The following BBX variants were observed in gnomAD, a reference collection of about 807,000 sequenced individuals.
BBX encodes BBX high mobility group box domain containing.
In BBX, 30 loss-of-function variants were observed where a neutral mutation model predicts 100.2. The ratio of observed to expected loss-of-function variants is 0.30; its 90% CI spans 0.22 to 0.41. BBX has a LOEUF of 0.41. Among genes scored for constraint, BBX ranks in the 10% least tolerant of loss-of-function variants. BBX has a pLI of 1.00. For synonymous variants in BBX, 376 were observed against 388.1 expected (o/e 0.97, Z 0.37); for missense variants, 1,023 against 1,129.8 (o/e 0.91, Z 1.35).
intron 9 of BBX, among the ~76,000 whole-genome samples, chr3:107,755,020 C>G (rs1180365860): frequency 6.6e-6 from 1 of 152,200 alleles, no homozygotes; most frequent in East Asian, 1.9e-4. Context: ...AGGCCATTAA[C>G]TGTACAACTC....
chr3:107,563,924 C>T (rs888496108), intron 2 of BBX, among the ~76,000 whole-genome samples: 23 of 152,188 alleles, frequency 1.5e-4, no homozygotes, highest in African/African-American at 5.6e-4. Context: ...CCACCAACTC[C>T]CCAAGCTACC....
intron 2 of BBX, among the ~76,000 whole-genome samples, chr3:107,563,126 G>A (rs965414540): frequency 2.0e-5 from 3 of 152,188 alleles, no homozygotes; most frequent in Non-Finnish European, 2.9e-5. Context: ...CAGGGTCAGC[G>A]ATTTATGTGT....
At chr3:107,775,580 G>A (rs1407333956) in intron 12 of BBX, among the ~76,000 whole-genome samples, 2 of 151,950 alleles carry the variant, frequency 1.3e-5, no homozygotes, top group African/African-American at 2.4e-5. Flanking sequence ...GTTTCTTGTC[G>A]GCTCAATTTG....
chr3:107,804,482 T>C (rs2070881667), intron 17 of BBX, among the ~76,000 whole-genome samples: 1 of 152,222 alleles, frequency 6.6e-6, no homozygotes, highest in Admixed American at 6.5e-5. Flanking sequence ...TACCCAGTCC[T>C]ATCTTTTTAG....
chr3:107,572,982 A>C (rs1317249847), intron 2 of BBX, among the ~76,000 whole-genome samples: 1 of 152,206 alleles, frequency 6.6e-6, no homozygotes, highest in African/African-American at 2.4e-5. Flanking sequence ...TTTAGTAATA[A>C]ATTAACCAAG....
intron 16 of BBX, among the ~76,000 whole-genome samples, 184 bp from the exon 17 acceptor site, chr3:107,800,911 T>G (rs1356719451): frequency 1.3e-5 from 2 of 152,248 alleles, no homozygotes; most frequent in African/African-American, 4.8e-5. Context: ...GCAACTAAGC[T>G]TAATAAAAGA....
chr3:107,607,353 T>A (rs1457050860), intron 2 of BBX, among the ~76,000 whole-genome samples: 1 of 152,208 alleles, frequency 6.6e-6, no homozygotes, highest in South Asian at 2.1e-4. Context: ...AGTGCTGGGA[T>A]TACAGGTGTG....
intron 3 of BBX, among the ~76,000 whole-genome samples, chr3:107,661,085 T>C (rs551614397): frequency 7.6e-4 from 116 of 152,316 alleles, no homozygotes; most frequent in African/African-American, 2.6e-3. Context: ...TTTTGTCAAG[T>C]GACTGTTCAC....
chr3:107,536,369 T>A (rs567105262), intron 2 of BBX, among the ~76,000 whole-genome samples: 3 of 152,358 alleles, frequency 2.0e-5, no homozygotes, highest in South Asian at 2.1e-4. Flanking sequence ...GTCTTTTTTT[T>A]AAAACTGGCT....
chr3:107,682,191 C>T (rs866847908), intron 3 of BBX, among the ~76,000 whole-genome samples: 6 of 152,012 alleles, frequency 3.9e-5, no homozygotes, highest in East Asian at 1.9e-4. Context: ...GAAGGAAAGA[C>T]GACTTAAGTT....
At chr3:107,761,202 G>A (rs1226845832) in intron 10 of BBX, among the ~76,000 whole-genome samples, 1 of 152,180 alleles carries the variant, frequency 6.6e-6, no homozygotes, top group Non-Finnish European at 1.5e-5. Context: ...ACAGGAGAAA[G>A]GTAGATGGTA....
At chr3:107,759,423 G>T (rs1342741625) in intron 10 of BBX, among the ~76,000 whole-genome samples, 1 of 152,124 alleles carries the variant, frequency 6.6e-6, no homozygotes, top group East Asian at 1.9e-4. Context: ...AAGGTATTGT[G>T]TTTCCTTTCG....
At chr3:107,585,087 G>A (rs964051891) in intron 2 of BBX, among the ~76,000 whole-genome samples, 7 of 152,142 alleles carry the variant, frequency 4.6e-5, no homozygotes, top group Middle Eastern at 3.2e-3. Context: ...CTGGGGCTGA[G>A]AACTGGCCAT....
At chr3:107,743,397 G>A (rs2064278012) in intron 7 of BBX, among the ~76,000 whole-genome samples, 1 of 152,156 alleles carries the variant, frequency 6.6e-6, no homozygotes, top group African/African-American at 2.4e-5. Flanking sequence ...TCCTTGGTGG[G>A]ACATTTGGCA....
chr3:107,692,411 G>T (rs1472230107), intron 3 of BBX, among the ~76,000 whole-genome samples: 1 of 146,602 alleles, frequency 6.8e-6, no homozygotes, highest in African/African-American at 2.5e-5. Flanking sequence ...TGTTCTCATT[G>T]TTCAATTCCC....
chr3:107,719,341 T>C (rs1044804794), intron 5 of BBX, among the ~76,000 whole-genome samples: 1 of 152,006 alleles, frequency 6.6e-6, no homozygotes, highest in African/African-American at 2.4e-5. Flanking sequence ...CCTGCCATTA[T>C]CAGTTGAGTG....
intron 3 of BBX, among the ~76,000 whole-genome samples, chr3:107,655,602 T>G (rs2058089940): frequency 6.6e-6 from 1 of 151,008 alleles, no homozygotes; most frequent in African/African-American, 2.4e-5. Flanking sequence ...CACTACAGAC[T>G]TGAACTACTG....
At chr3:107,558,344 C>T (rs1382300549) in intron 2 of BBX, among the ~76,000 whole-genome samples, 2 of 152,118 alleles carry the variant, frequency 1.3e-5, no homozygotes, top group Non-Finnish European at 2.9e-5. Context: ...AATAATTAGC[C>T]GGTTGTGGTG....
chr3:107,616,786 G>C (rs1487799967), intron 2 of BBX, among the ~76,000 whole-genome samples: 2 of 151,726 alleles, frequency 1.3e-5, no homozygotes, highest in African/African-American at 4.8e-5. Context: ...ATATATCATC[G>C]ATAACTAGCA....
Sources: allele counts gnomAD v4.1 joint callset (sites outside exome capture counted in the v4.1 genomes callset), GRCh38; gene constraint gnomAD v4.1.1; transcripts MANE v1.5; gene names NCBI Gene and HGNC (gene_info 2026-07-23, HGNC 2026-07-21).